ADCY8: variants seen among roughly 807,000 people sequenced by gnomAD.
ADCY8 encodes adenylate cyclase type 8.
Under a neutral mutation model 119.7 loss-of-function variants are expected in ADCY8, and 51 were observed. That is an observed-to-expected ratio of 0.43 (90% CI 0.34 to 0.54). The LOEUF (loss-of-function observed/expected upper bound fraction) is 0.54, where lower values mean the gene tolerates loss of function less well. Ranked by LOEUF, ADCY8 falls within the 20% of genes least tolerant of loss-of-function variation. The probability of loss-of-function intolerance (pLI) is 0.03; values close to 1 mark genes in which losing one functional copy is unlikely to be tolerated. For missense variants in ADCY8, 1,383 were observed against 1,598.8 expected, an observed-to-expected ratio of 0.87 and a Z score of 2.30; for synonymous variants, 665 against 651.0, an observed-to-expected ratio of 1.02 and a Z score of -0.33.
intron 14 of ADCY8, among the ~76,000 whole-genome samples, chr8:130,801,899 CTT>C (rs34853195): frequency 0.15 from 14,299 of 97,366 alleles, 557 homozygotes; most frequent in African/African-American, 0.24. Context: ...TTGAGAATGC[CTT>C]TTTTTTTTTT....
At chr8:131,035,119 T>C (rs1358646229) in intron 1 of ADCY8, among the ~76,000 whole-genome samples, 1 of 152,182 alleles carries the variant, frequency 6.6e-6, no homozygotes, top group Non-Finnish European at 1.5e-5. Context: ...TACAAACAAT[T>C]GGTTTATGAT....
At chr8:130,947,236 G>A (rs973841719) in intron 3 of ADCY8, among the ~76,000 whole-genome samples, 4 of 152,152 alleles carry the variant, frequency 2.6e-5, no homozygotes, top group Non-Finnish European at 5.9e-5. Context: ...TAGGAACGTG[G>A]TCCCTGTGTA....
chr8:130,786,992 C>G (rs1373762513), intron 15 of ADCY8, among the ~76,000 whole-genome samples: 1 of 152,028 alleles, frequency 6.6e-6, no homozygotes, highest in Non-Finnish European at 1.5e-5. Context: ...GGAGAATGTA[C>G]AGGAGGTCCA....
At chr8:131,030,588 G>A (rs1329797) in intron 1 of ADCY8, among the ~76,000 whole-genome samples, 90,486 of 151,956 alleles carry the variant, frequency 0.6, 28,508 homozygotes, top group African/African-American at 0.8. Flanking sequence ...TGAACCTCCA[G>A]CCAAACCTCT....
At chr8:130,967,832 C>T (rs1821807036) in intron 2 of ADCY8, among the ~76,000 whole-genome samples, 1 of 152,152 alleles carries the variant, frequency 6.6e-6, no homozygotes, top group South Asian at 2.1e-4. Flanking sequence ...TTGCTAGATG[C>T]TCACTCTGTG....
chr8:130,989,508 G>C (rs959169906), intron 2 of ADCY8, among the ~76,000 whole-genome samples: 1 of 151,866 alleles, frequency 6.6e-6, no homozygotes, highest in Non-Finnish European at 1.5e-5. Flanking sequence ...TTAAGAAAAA[G>C]GGCTTAGTTA....
At chr8:131,021,264 G>C (rs1275603034) in intron 1 of ADCY8, among the ~76,000 whole-genome samples, 2 of 152,050 alleles carry the variant, frequency 1.3e-5, no homozygotes, top group Non-Finnish European at 2.9e-5. Flanking sequence ...TATCATCAGC[G>C]TTCTTGGATT....
chr8:130,979,627 TG>T (rs1822179057), intron 2 of ADCY8, among the ~76,000 whole-genome samples: 1 of 152,204 alleles, frequency 6.6e-6, no homozygotes, highest in Non-Finnish European at 1.5e-5. Flanking sequence ...TGGAGAAGAC[TG>T]TTTAGGTCTG....
chr8:130,952,060 G>T (rs1371001590), intron 2 of ADCY8, 62 bp from the exon 3 acceptor site: 6 of 1,596,126 alleles, frequency 3.8e-6, no homozygotes, highest in Non-Finnish European at 5.1e-6. Context: ...ATGGGAGGGT[G>T]GAGGGTGGAG....
At chr8:130,812,383 T>A (rs1159046169) in intron 14 of ADCY8, among the ~76,000 whole-genome samples, 1 of 152,154 alleles carries the variant, frequency 6.6e-6, no homozygotes, top group Non-Finnish European at 1.5e-5. Context: ...ACACTCATGC[T>A]CCCCTCAACA....
chr8:130,951,780 A>G, intron 3 of ADCY8, 88 bp downstream of exon 3: 5 of 1,526,714 alleles, frequency 3.3e-6, no homozygotes, highest in Non-Finnish European at 4.5e-6. Flanking sequence ...CTGACATTCA[A>G]GCAGACGGAA....
At chr8:130,907,371 A>C (rs965848984) in intron 6 of ADCY8, among the ~76,000 whole-genome samples, 3 of 152,170 alleles carry the variant, frequency 2.0e-5, no homozygotes, top group Admixed American at 6.5e-5. Context: ...AAAGTGGAAA[A>C]ATATATAACA....
chr8:130,874,031 G>A (rs1818464484), intron 8 of ADCY8, among the ~76,000 whole-genome samples: 1 of 152,058 alleles, frequency 6.6e-6, no homozygotes, highest in South Asian at 2.1e-4. Flanking sequence ...ATTTGGGCTG[G>A]GAGCGGTGGC....
At chr8:130,921,449 CTTTTTT>C (rs35570520) in intron 5 of ADCY8, among the ~76,000 whole-genome samples, 2 of 107,656 alleles carry the variant, frequency 1.9e-5, no homozygotes, top group Non-Finnish European at 3.9e-5. Context: ...TTTTTCTTTT[CTTTTTT>C]TTTTTTTTTT....
In ADCY8 at chr8:130,990,377, C is replaced by T; in HGVS notation, c.1110+16G>A. 1 of 1,613,442 alleles carries T rather than the reference C, an allele frequency of 6.2e-7. No individual in the cohort carries two copies. The highest frequency in any genetic ancestry group is 1.1e-5 in the South Asian group (1 of 90,988). ...GCTAGGTGATAACTAAAACACACAGCCTTGTCAGTTGGTACCTGTCTTTGG... is the reference window on the plus strand; with the variant it reads ...GCTAGGTGATAACTAAAACACACAGTCTTGTCAGTTGGTACCTGTCTTTGG... On this transcript the variant is annotated intron_variant, in intron 2 of 17. Coordinates refer to ENST00000286355, the MANE Select transcript of ADCY8 (RefSeq NM_001115.3).
chr8:130,905,162 T>C (rs953893412), intron 6 of ADCY8, among the ~76,000 whole-genome samples: 2 of 152,222 alleles, frequency 1.3e-5, no homozygotes, highest in African/African-American at 4.8e-5. Flanking sequence ...ATATACACTA[T>C]AAAAGCAAAT....
Position 130,896,111 on chromosome 8 carries a change from G to A in ADCY8, c.1911+7661C>T, listed in dbSNP as rs117700278. Among the ~76,000 whole-genome samples the A allele has an allele frequency of 3.4e-3, 519 of 152,078 alleles. 1 individual carries two copies. Among genetic ancestry groups the A allele is most frequent in the Middle Eastern group, 0.017 (5 of 294 alleles). On this transcript the variant is annotated intron_variant, in intron 7 of 17. Transcript: ENST00000286355. Reference sequence around the variant, plus strand: ...GCTTGCCTGTAGATCTCAGCTTAAGGTATTTCCTGATTAACTCAGATCAAT... The same window carrying A: ...GCTTGCCTGTAGATCTCAGCTTAAGATATTTCCTGATTAACTCAGATCAAT...
intron 1 of ADCY8, among the ~76,000 whole-genome samples, chr8:131,003,989 C>A (rs549834066): frequency 6.6e-6 from 1 of 152,228 alleles, no homozygotes; most frequent in African/African-American, 2.4e-5. Context: ...AAACAAACAA[C>A]AACAACAGCA....
chr8:130,787,055 T>C (rs921022923), intron 15 of ADCY8, among the ~76,000 whole-genome samples: 2 of 151,788 alleles, frequency 1.3e-5, no homozygotes, highest in African/African-American at 2.4e-5. Flanking sequence ...AGGCCATAAG[T>C]TGAAGGAAAA....
Sources: gnomAD v4.1 joint callset for allele counts (sites outside exome capture counted in the v4.1 genomes callset) on GRCh38, gnomAD v4.1.1 for gene constraint, MANE v1.5 for transcripts, NCBI Gene and HGNC (gene_info 2026-07-23, HGNC 2026-07-21) for gene names.